The following OPCML variants were observed in gnomAD, a reference collection of about 807,000 sequenced individuals.
OPCML encodes the protein opioid-binding protein/cell adhesion molecule.
A neutral mutation model predicts 37.8 loss-of-function variants in OPCML; 13 were observed. The ratio of observed to expected loss-of-function variants is 0.34; its 90% CI spans 0.22 to 0.55. The LOEUF (loss-of-function observed/expected upper bound fraction) is 0.55, where lower values mean the gene tolerates loss of function less well. Among genes scored for constraint, OPCML ranks in the 20% least tolerant of loss-of-function variants. OPCML has a pLI of 0.91. For missense variants in OPCML, 341 were observed against 435.6 expected (o/e 0.78, Z 1.93); for synonymous variants, 176 against 168.8 (o/e 1.04, Z -0.33).
intron 2 of OPCML, among the ~76,000 whole-genome samples, chr11:132,826,528 C>T (rs1018004858): frequency 1.3e-5 from 2 of 152,258 alleles, no homozygotes; most frequent in South Asian, 4.2e-4. Flanking sequence ...ACCTTTCAGA[C>T]ACTCCAACAG....
At chr11:132,890,844 G>A (rs1431503957) in intron 2 of OPCML, among the ~76,000 whole-genome samples, 22 of 127,942 alleles carry the variant, frequency 1.7e-4, no homozygotes, top group Middle Eastern at 6.0e-3. Context: ...GTGACAGAGC[G>A]AGACTCCATC....
chr11:133,302,704 T>C (rs554916936), intron 1 of OPCML: 71 of 152,318 alleles, frequency 4.7e-4, no homozygotes, highest in African/African-American at 1.7e-3. Context: ...ATACATGTTA[T>C]AATATTTCTG....
At chr11:132,993,502 A>T (rs895841318) in intron 1 of OPCML, among the ~76,000 whole-genome samples, 4 of 152,326 alleles carry the variant, frequency 2.6e-5, no homozygotes, top group Admixed American at 2.0e-4. Context: ...AGATGCCAGC[A>T]GGCGTGGCTG....
At chr11:133,415,002 A>G (rs1317503763) in intron 1 of OPCML, among the ~76,000 whole-genome samples, 1 of 152,176 alleles carries the variant, frequency 6.6e-6, no homozygotes, top group Non-Finnish European at 1.5e-5. Flanking sequence ...ACTCAATTCA[A>G]CAAGACAACA....
At chr11:132,438,328 C>T (rs541344318) in intron 4 of OPCML, among the ~76,000 whole-genome samples, 2 of 152,340 alleles carry the variant, frequency 1.3e-5, no homozygotes, top group Admixed American at 1.3e-4. Flanking sequence ...TAAGGCACAG[C>T]CATTTGCATT....
chr11:132,822,194 A>C (rs996699942), intron 2 of OPCML, among the ~76,000 whole-genome samples: 3 of 151,962 alleles, frequency 2.0e-5, no homozygotes, highest in Non-Finnish European at 1.5e-5. Flanking sequence ...CCACCTTCCA[A>C]TGTGGAAGAT....
chr11:133,434,375 G>C (rs559720370), intron 1 of OPCML, among the ~76,000 whole-genome samples: 8 of 152,234 alleles, frequency 5.3e-5, no homozygotes, highest in Admixed American at 1.3e-4. Flanking sequence ...AAGTTTACCT[G>C]TATCTTTCCT....
At chr11:133,348,427 A>G (rs1944051404) in intron 1 of OPCML, among the ~76,000 whole-genome samples, 1 of 152,156 alleles carries the variant, frequency 6.6e-6, no homozygotes, top group African/African-American at 2.4e-5. Context: ...ATGAAGGGAG[A>G]TGTTTGGTAA....
chr11:132,837,453 G>A (rs954512918), intron 2 of OPCML, among the ~76,000 whole-genome samples: 9 of 152,116 alleles, frequency 5.9e-5, no homozygotes, highest in Non-Finnish European at 1.3e-4. Context: ...CTAGCCACTG[G>A]TTTATCAAAT....
chr11:133,473,906 T>C (rs78888841), intron 1 of OPCML, among the ~76,000 whole-genome samples: 5,120 of 152,306 alleles, frequency 0.034, 124 homozygotes, highest in South Asian at 0.12. Flanking sequence ...CTGAGCATAA[T>C]ATTTTACAGA....
chr11:133,219,419 A>C (rs1939719258), intron 1 of OPCML, among the ~76,000 whole-genome samples: 1 of 152,242 alleles, frequency 6.6e-6, no homozygotes, highest in Non-Finnish European at 1.5e-5. Flanking sequence ...ACAGAAACTG[A>C]GAAACTAAAA....
chr11:133,025,022 T>G, intron 1 of OPCML: 1 of 984,304 alleles, frequency 1.0e-6, no homozygotes, highest in Non-Finnish European at 1.2e-6. Flanking sequence ...CCTCAAACTA[T>G]GCCTTAAGAA....
intron 1 of OPCML, among the ~76,000 whole-genome samples, chr11:133,497,473 G>A (rs1306789321): frequency 6.6e-6 from 1 of 151,926 alleles, no homozygotes; most frequent in South Asian, 2.1e-4. Context: ...GGTCCCCCCC[G>A]ATTCACTTAA....
intron 2 of OPCML, among the ~76,000 whole-genome samples, chr11:132,699,499 T>A (rs1485340377): frequency 6.6e-6 from 1 of 152,102 alleles, no homozygotes; most frequent in Non-Finnish European, 1.5e-5. Flanking sequence ...ATATATGGAC[T>A]TTATAATATT....
chr11:132,963,539 C>T (rs1034985103), intron 1 of OPCML, among the ~76,000 whole-genome samples: 2 of 151,350 alleles, frequency 1.3e-5, no homozygotes, highest in Non-Finnish European at 2.9e-5. Flanking sequence ...TTGCAGTGAG[C>T]CAAGATCGTG....
intron 1 of OPCML, chr11:133,005,538 A>G (rs1281223844): frequency 1.9e-5 from 19 of 985,310 alleles, no homozygotes; most frequent in Non-Finnish European, 2.3e-5. Context: ...CTGCATTTCC[A>G]TAGCTAAGAC....
At chr11:132,636,283 C>G (rs982498323) in intron 3 of OPCML, among the ~76,000 whole-genome samples, 2 of 152,160 alleles carry the variant, frequency 1.3e-5, no homozygotes, top group Non-Finnish European at 2.9e-5. Flanking sequence ...AGTAAAGTCA[C>G]GTGCAGAATT....
chr11:133,334,571 T>C (rs1361575166), intron 1 of OPCML, among the ~76,000 whole-genome samples: 1 of 152,200 alleles, frequency 6.6e-6, no homozygotes, highest in East Asian at 1.9e-4. Flanking sequence ...GGTGATGTAA[T>C]AATATGTACA....
At chr11:133,259,680 A>T (rs1471975348) in intron 1 of OPCML, among the ~76,000 whole-genome samples, 1 of 152,226 alleles carries the variant, frequency 6.6e-6, no homozygotes, top group Non-Finnish European at 1.5e-5. Flanking sequence ...TATACTTTTT[A>T]AAAAATTAGA....
Sources: gnomAD v4.1 joint callset for allele counts (sites outside exome capture counted in the v4.1 genomes callset) on GRCh38, gnomAD v4.1.1 for gene constraint, MANE v1.5 for transcripts, NCBI Gene and HGNC (gene_info 2026-07-23, HGNC 2026-07-21) for gene names.